The following NRXN3 variants were observed in gnomAD, a reference collection of about 807,000 sequenced individuals.
NRXN3 encodes neurexin III.
A neutral mutation model predicts 137.6 loss-of-function variants in NRXN3; 32 were observed. That is an observed-to-expected ratio of 0.23 (90% CI 0.18 to 0.31). The LOEUF (loss-of-function observed/expected upper bound fraction) is 0.31, where lower values mean the gene tolerates loss of function less well. Among genes scored for constraint, NRXN3 ranks in the 10% least tolerant of loss-of-function variants. The pLI is 1.00. For missense variants in NRXN3, 1,574 were observed against 2,062.5 expected, an observed-to-expected ratio of 0.76 and a Z score of 4.59; for synonymous variants, 798 against 784.5, an observed-to-expected ratio of 1.02 and a Z score of -0.29.
chr14:79,599,344 C>A (rs1434436784), intron 16 of NRXN3, among the ~76,000 whole-genome samples: 1 of 152,140 alleles, frequency 6.6e-6, no homozygotes, highest in Non-Finnish European at 1.5e-5. Flanking sequence ...TGTGATTCTT[C>A]TAGAGTGGAG....
At chr14:78,658,946 G>A (rs920083550) in intron 6 of NRXN3, among the ~76,000 whole-genome samples, 4 of 152,198 alleles carry the variant, frequency 2.6e-5, no homozygotes, top group Non-Finnish European at 5.9e-5. Context: ...AAAACAAAAA[G>A]CAATTACGGC....
chr14:79,339,216 A>T (rs567558504), intron 15 of NRXN3, among the ~76,000 whole-genome samples: 1 of 152,288 alleles, frequency 6.6e-6, no homozygotes, highest in Admixed American at 6.5e-5. Context: ...TTTCACCTAA[A>T]CGTTTCATTT....
At chr14:78,910,571 A>T (rs569437368) in intron 10 of NRXN3, among the ~76,000 whole-genome samples, 1 of 152,014 alleles carries the variant, frequency 6.6e-6, no homozygotes, top group East Asian at 1.9e-4. Context: ...ATCTTTTAGC[A>T]GCTTGAATGT....
At chr14:78,302,943 T>A (rs955310146) in intron 4 of NRXN3, among the ~76,000 whole-genome samples, 1 of 152,200 alleles carries the variant, frequency 6.6e-6, no homozygotes, top group African/African-American at 2.4e-5. Flanking sequence ...AATTGGTCTT[T>A]CTGCCTCTGT....
intron 4 of NRXN3, among the ~76,000 whole-genome samples, chr14:78,589,367 CA>C (rs898793092): frequency 1.4e-4 from 21 of 152,166 alleles, no homozygotes; most frequent in Non-Finnish European, 2.1e-4. Context: ...CTGAAGGACT[CA>C]TAAGAAGACT....
chr14:78,504,149 T>G (rs571226662), intron 4 of NRXN3, among the ~76,000 whole-genome samples: 1 of 152,338 alleles, frequency 6.6e-6, no homozygotes. Context: ...TTGGTACTCC[T>G]GAGACTACGT....
chr14:79,825,560 G>A (rs541834197), intron 20 of NRXN3, among the ~76,000 whole-genome samples: 3 of 152,254 alleles, frequency 2.0e-5, no homozygotes, highest in South Asian at 2.1e-4. Context: ...TGTGATACAC[G>A]GAAGTGAGAA....
chr14:79,766,890 T>A (rs1263079301), intron 19 of NRXN3, among the ~76,000 whole-genome samples: 1 of 152,162 alleles, frequency 6.6e-6, no homozygotes, highest in African/African-American at 2.4e-5. Flanking sequence ...TTGCAAGTAG[T>A]CTGGCTTTGC....
chr14:78,483,197 A>G (rs181066324), intron 4 of NRXN3, among the ~76,000 whole-genome samples: 1 of 152,176 alleles, frequency 6.6e-6, no homozygotes, highest in Non-Finnish European at 1.5e-5. Flanking sequence ...ACAAAACCCC[A>G]AAAAACCCCA....
chr14:79,783,786 T>C (rs2099121133), intron 19 of NRXN3, among the ~76,000 whole-genome samples: 1 of 152,250 alleles, frequency 6.6e-6, no homozygotes, highest in Admixed American at 6.5e-5. Context: ...AGATTAAGCC[T>C]TAGCACTCAT....
chr14:79,035,849 G>A (rs372541411), intron 15 of NRXN3, among the ~76,000 whole-genome samples: 1 of 151,978 alleles, frequency 6.6e-6, no homozygotes, highest in Non-Finnish European at 1.5e-5. Context: ...TTTGTTTGTG[G>A]GGGATGGATG....
At chr14:78,728,864 A>T (rs1003710898) in intron 8 of NRXN3, among the ~76,000 whole-genome samples, 1 of 152,188 alleles carries the variant, frequency 6.6e-6, no homozygotes, top group African/African-American at 2.4e-5. Context: ...GCACCACTGC[A>T]CTCCAGCCTG....
At chr14:78,917,787 T>A (rs961986025) in intron 10 of NRXN3, among the ~76,000 whole-genome samples, 8 of 151,890 alleles carry the variant, frequency 5.3e-5, no homozygotes, top group Non-Finnish European at 1.0e-4. Context: ...TCTTCAGAAA[T>A]CCAGAAACCT....
chr14:79,698,623 G>T (rs749017139), intron 19 of NRXN3, among the ~76,000 whole-genome samples: 20 of 152,090 alleles, frequency 1.3e-4, no homozygotes, highest in Non-Finnish European at 2.5e-4. Flanking sequence ...TCCAAACTAA[G>T]CTTAATACTT....
chr14:78,314,893 C>CTTTCTTTCTT lies in NRXN3; in HGVS notation c.757+17034_757+17035insTTCTTTCTTT, dbSNP rs750155165. 3.8e-4 allele frequency among the ~76,000 whole-genome samples: 31 copies of CTTTCTTTCTT among 82,176 alleles called. 1 individual carries two copies. The highest frequency in any genetic ancestry group is 8.6e-4 in the African/African-American group (16 of 18,656). 53.9% of individuals were successfully genotyped at this position (82,176 alleles called of 152,430 possible). A position where few individuals can be genotyped will look rare whatever the true frequency, so the allele number is the denominator to read the frequency against. On this transcript the variant is annotated intron_variant, in intron 4 of 20. Coordinates refer to ENST00000335750, the MANE Select transcript of NRXN3 (RefSeq NM_001330195.2). ...TTTCTTTTCCGTTCTTTCTTTCTTTCTCTTTCTTTCTTTCTTTCTTTCTTT... is the reference window on the plus strand; with the variant it reads ...TTTCTTTTCCGTTCTTTCTTTCTTTCTTTCTTTCTTTCTTTCTTTCTTTCTTTCTTTCTTT...
At chr14:79,225,047 A>G (rs2070574299) in intron 15 of NRXN3, among the ~76,000 whole-genome samples, 1 of 152,188 alleles carries the variant, frequency 6.6e-6, no homozygotes. Flanking sequence ...AGGGGCATCC[A>G]CAGAGGTCAC....
At chr14:78,935,669 G>A (rs1214967036) in intron 10 of NRXN3, among the ~76,000 whole-genome samples, 3 of 152,220 alleles carry the variant, frequency 2.0e-5, no homozygotes, top group African/African-American at 7.2e-5. Flanking sequence ...ATCCACAGAT[G>A]TGGACCCCTC....
intron 15 of NRXN3, among the ~76,000 whole-genome samples, chr14:79,163,117 T>C (rs2060957771): frequency 6.6e-6 from 1 of 151,942 alleles, no homozygotes; most frequent in Non-Finnish European, 1.5e-5. Context: ...ACAGAGAACC[T>C]GATAAGTGGT....
intron 16 of NRXN3, among the ~76,000 whole-genome samples, chr14:79,479,955 C>T (rs987945439): frequency 3.9e-5 from 6 of 152,092 alleles, no homozygotes; most frequent in East Asian, 1.9e-4. Context: ...TCTCATCTTT[C>T]GGTGTATGAT....
Sources: allele counts gnomAD v4.1 joint callset (sites outside exome capture counted in the v4.1 genomes callset), GRCh38; gene constraint gnomAD v4.1.1; transcripts MANE v1.5; gene names NCBI Gene and HGNC (gene_info 2026-07-23, HGNC 2026-07-21).